Variants in SPOPL observed in about 807,000 individuals in gnomAD.
SPOPL encodes speckle-type POZ protein-like.
Under a neutral mutation model 53.8 loss-of-function variants are expected in SPOPL, and 23 were observed. The observed-to-expected ratio is 0.43, with a 90% confidence interval of 0.31 to 0.61. The LOEUF is 0.61. SPOPL is among the 20% of genes least tolerant of loss of function. The pLI is 0.12. For synonymous variants in SPOPL, 164 were observed against 149.7 expected, an observed-to-expected ratio of 1.10 and a Z score of -0.70; for missense variants, 442 against 466.9, an observed-to-expected ratio of 0.95 and a Z score of 0.49.
intron 1 of SPOPL, among the ~76,000 whole-genome samples, chr2:138,505,594 TAAAAAAAA>T (rs1169614974): frequency 6.1e-4 from 46 of 75,092 alleles, no homozygotes; most frequent in South Asian, 1.9e-3. Context: ...GTGTCTCTTC[TAAAAAAAA>T]AAAAAAAAAA....
At chr2:138,552,728 A>G (rs770592252) in intron 5 of SPOPL, 47 bp downstream of exon 5, 55 of 1,579,182 alleles carry the variant, frequency 3.5e-5, no homozygotes, top group Non-Finnish European at 4.6e-5. Flanking sequence ...ATTTAGTGAT[A>G]TGGCAAAAGT....
intron 8 of SPOPL, 111 bp downstream of exon 8, chr2:138,561,038 A>G: frequency 7.5e-7 from 1 of 1,341,572 alleles, no homozygotes; most frequent in Non-Finnish European, 1.0e-6. Context: ...ATGGCTCTTG[A>G]GAGCTTTATG....
intron 8 of SPOPL, among the ~76,000 whole-genome samples, chr2:138,563,081 C>G (rs150556027): frequency 6.6e-6 from 1 of 152,168 alleles, no homozygotes; most frequent in African/African-American, 2.4e-5. Flanking sequence ...TGTATTCAGA[C>G]TATATAAAGA....
At chr2:138,505,517 G>A (rs1235733773) in intron 1 of SPOPL, among the ~76,000 whole-genome samples, 1 of 150,178 alleles carries the variant, frequency 6.7e-6, no homozygotes, top group African/African-American at 2.5e-5. Context: ...AGCACTTTGG[G>A]AGGTCGAGGT....
At chr2:138,503,925 T>C (rs1305082206) in intron 1 of SPOPL, among the ~76,000 whole-genome samples, 1 of 152,234 alleles carries the variant, frequency 6.6e-6, no homozygotes, top group Admixed American at 6.5e-5. Context: ...ATGTGTTATG[T>C]TCATTCATAT....
At chr2:138,541,153 T>C (rs1489057252) in intron 1 of SPOPL, among the ~76,000 whole-genome samples, 1 of 152,226 alleles carries the variant, frequency 6.6e-6, no homozygotes, top group East Asian at 1.9e-4. Flanking sequence ...GCCAGTATTT[T>C]ATTGAGGATT....
In SPOPL at chr2:138,573,414, A is replaced by C. The variant is rs1685827176; in HGVS notation, c.*4334A>C. On this transcript the variant is annotated 3_prime_UTR_variant, in exon 11 of 11. Transcript: ENST00000280098. ...AGACATTCTTAACTGTAAAATATTA[A>C]TATGCATTTATTTTAATATGTATGA... The C allele has an allele frequency of 6.6e-6, 1 of 152,172 alleles. No individual in the cohort carries two copies. Among genetic ancestry groups the C allele is most frequent in the Non-Finnish European group, 1.5e-5 (1 of 68,024 alleles). The allele number at this position is 152,172 out of a possible 1,614,324, so 9.4% of individuals were successfully genotyped here.
At chr2:138,554,646 C>CT in intron 5 of SPOPL, 1 of 424,538 alleles carries the variant, frequency 2.4e-6, no homozygotes, top group Non-Finnish European at 3.5e-6. Context: ...GTAAGCAGCT[C>CT]TGCCCTCTTT....
chr2:138,563,512 CG>C (rs767680089), intron 8 of SPOPL, among the ~76,000 whole-genome samples: 6 of 152,004 alleles, frequency 3.9e-5, no homozygotes, highest in Non-Finnish European at 7.4e-5. Flanking sequence ...ATCATTAGGT[CG>C]TTAGGGAAAT....
intron 1 of SPOPL, among the ~76,000 whole-genome samples, chr2:138,545,321 C>A (rs547415786): frequency 6.6e-5 from 10 of 152,278 alleles, no homozygotes; most frequent in Admixed American, 6.5e-4. Flanking sequence ...GGCGGACCAC[C>A]AAACTAGGGG....
At chr2:138,557,644 G>C (rs1685456525) in intron 5 of SPOPL, among the ~76,000 whole-genome samples, 1 of 152,078 alleles carries the variant, frequency 6.6e-6, no homozygotes, top group South Asian at 2.1e-4. Flanking sequence ...TTAAATTAAT[G>C]CAGCTATCTA....
intron 1 of SPOPL, among the ~76,000 whole-genome samples, chr2:138,509,326 CAA>C (rs1020958293): frequency 1.3e-5 from 2 of 151,970 alleles, no homozygotes; most frequent in Admixed American, 6.6e-5. Flanking sequence ...CAATTAAAAA[CAA>C]AGAGGTGTTT....
At chr2:138,550,839 C>CTCTCTT in intron 3 of SPOPL, 64 bp from the exon 4 acceptor site, 1 of 1,537,014 alleles carries the variant, frequency 6.5e-7, no homozygotes, top group Non-Finnish European at 8.8e-7. Flanking sequence ...CTCTCTCTCT[C>CTCTCTT]TCTCTCTCTC....
At chr2:138,507,337 TACTC>T (rs1200321381) in intron 1 of SPOPL, among the ~76,000 whole-genome samples, 1 of 152,174 alleles carries the variant, frequency 6.6e-6, no homozygotes, top group African/African-American at 2.4e-5. Flanking sequence ...ATTTTTTAAA[TACTC>T]ACTATTTATC....
intron 1 of SPOPL, among the ~76,000 whole-genome samples, chr2:138,521,612 A>G (rs151210537): frequency 2.3e-3 from 344 of 152,292 alleles, no homozygotes; most frequent in South Asian, 3.9e-3. Flanking sequence ...AGCAGTAAAC[A>G]GAGGCTCTAA....
intron 1 of SPOPL, among the ~76,000 whole-genome samples, chr2:138,506,254 T>G (rs1446441553): frequency 3.3e-5 from 5 of 152,232 alleles, no homozygotes; most frequent in Non-Finnish European, 7.3e-5. Flanking sequence ...AATTTTCTAT[T>G]CATTCTGGTA....
chr2:138,519,463 T>G (rs1312873175), intron 1 of SPOPL, among the ~76,000 whole-genome samples: 1 of 152,072 alleles, frequency 6.6e-6, no homozygotes, highest in Non-Finnish European at 1.5e-5. Context: ...TAAGTAGCAT[T>G]GCTTTTCTGT....
At chr2:138,538,882 A>G (rs111962827) in intron 1 of SPOPL, among the ~76,000 whole-genome samples, 1 of 152,076 alleles carries the variant, frequency 6.6e-6, no homozygotes, top group Non-Finnish European at 1.5e-5. Context: ...ATATCTCCTA[A>G]TACTATCCCT....
rs1381683390 is a variant in SPOPL at position 138,559,320 on chromosome 2, A to G, written c.697A>G (p.Met233Val). ...TTTTAACGCCATGTTTGAACATGAA[A>G]TGGAAGAAAGCAAAAAGGTAAACAT... ...PVFNAMFEHE[M>V]EESKKNRVEI... The change falls in exon 7 of 11, where the codon ATG (methionine) becomes GTG (valine). Residue 233 changes from methionine (M) to valine (V), a missense_variant. Met to Val is a conservative substitution (Grantham distance 21, BLOSUM62 1). Coordinates refer to ENST00000280098, the MANE Select transcript of SPOPL (RefSeq NM_001001664.3). 3 of 1,612,402 alleles carry G rather than the reference A, an allele frequency of 1.9e-6. No individual in the cohort carries two copies.
Sources: gnomAD v4.1 joint callset for allele counts (sites outside exome capture counted in the v4.1 genomes callset) on GRCh38, gnomAD v4.1.1 for gene constraint, MANE v1.5 for transcripts, NCBI Gene and HGNC (gene_info 2026-07-23, HGNC 2026-07-21) for gene names.